Variants in CNTNAP4 observed in about 807,000 individuals in gnomAD.
CNTNAP4 encodes the protein contactin associated protein family member 4.
CNTNAP4 carries 98 observed loss-of-function variants against 148.4 expected under a neutral mutation model. The observed-to-expected ratio is 0.66, with a 90% confidence interval of 0.56 to 0.78. The LOEUF (loss-of-function observed/expected upper bound fraction) is 0.78. Among genes scored for constraint, CNTNAP4 ranks in the 30% least tolerant of loss-of-function variants. The pLI, the probability that CNTNAP4 is intolerant of heterozygous loss-of-function variation, is 0.00. For missense variants in CNTNAP4, 1,935 were observed against 1,565.6 expected, an observed-to-expected ratio of 1.24 and a Z score of -3.98; for synonymous variants, 730 against 565.1, an observed-to-expected ratio of 1.29 and a Z score of -4.14.
At position 76,301,545 on chromosome 16, in the gene CNTNAP4, G is replaced by A. The variant is rs561103546; in HGVS notation, c.86-14868G>A. On this transcript the variant is annotated intron_variant, in intron 1 of 23. Coordinates refer to ENST00000611870, the MANE Select transcript of CNTNAP4 (RefSeq NM_033401.5). ...GTATGTGAACTCATGTATACTGAAA[G>A]ACCTGGAAGTACATGAGTTACCAGT... 1.6e-4 allele frequency among the ~76,000 whole-genome samples: 25 copies of A among 152,288 alleles called. No individual in the cohort carries two copies. The South Asian group carries it at 5.0e-3, about 30-fold the overall frequency.
intron 2 of CNTNAP4, among the ~76,000 whole-genome samples, chr16:76,326,061 G>T (rs1305287268): frequency 6.6e-6 from 1 of 152,126 alleles, no homozygotes; most frequent in African/African-American, 2.4e-5. Flanking sequence ...AGATATGACT[G>T]TAAACTTACA....
At chr16:76,445,730 AAC>A (rs1358272093) in intron 4 of CNTNAP4, among the ~76,000 whole-genome samples, 4 of 152,324 alleles carry the variant, frequency 2.6e-5, no homozygotes, top group African/African-American at 9.6e-5. Flanking sequence ...ACACAAGCTA[AAC>A]CTTTAATGGG....
At chr16:76,301,179 G>C (rs1025750276) in intron 1 of CNTNAP4, among the ~76,000 whole-genome samples, 5 of 152,030 alleles carry the variant, frequency 3.3e-5, no homozygotes, top group African/African-American at 1.2e-4. Flanking sequence ...GAATGAGACT[G>C]TTGATCTTTG....
At chr16:76,286,409 A>G (rs1958887068) in intron 1 of CNTNAP4, among the ~76,000 whole-genome samples, 1 of 152,188 alleles carries the variant, frequency 6.6e-6, no homozygotes, top group Admixed American at 6.6e-5. Context: ...AAAATTAGCA[A>G]GAGGTCTTCT....
At chr16:76,435,061 C>T (rs915755057) in intron 4 of CNTNAP4, among the ~76,000 whole-genome samples, 10 of 151,998 alleles carry the variant, frequency 6.6e-5, no homozygotes, top group Non-Finnish European at 7.4e-5. Context: ...AATGTCTCCT[C>T]GGGGAAGGAT....
chr16:76,440,734 T>G (rs553086085), intron 4 of CNTNAP4, among the ~76,000 whole-genome samples: 2 of 152,278 alleles, frequency 1.3e-5, no homozygotes, highest in South Asian at 4.1e-4. Flanking sequence ...AAGTAGAATG[T>G]TGAATGTTTA....
chr16:76,333,606 G>C (rs1019102537), intron 2 of CNTNAP4, among the ~76,000 whole-genome samples: 1 of 151,990 alleles, frequency 6.6e-6, no homozygotes, highest in African/African-American at 2.4e-5. Context: ...CTCAGGGGCA[G>C]TTTCTATTAA....
chr16:76,516,601 G>T (rs2083263180), intron 15 of CNTNAP4, among the ~76,000 whole-genome samples: 1 of 152,162 alleles, frequency 6.6e-6, no homozygotes, highest in African/African-American at 2.4e-5. Flanking sequence ...CAAAATATTT[G>T]TACACAGATG....
chr16:76,316,245 T>A, intron 1 of CNTNAP4, 168 bp from the exon 2 acceptor site: 1 of 658,748 alleles, frequency 1.5e-6, no homozygotes, highest in East Asian at 2.7e-5. Context: ...TCTTTTCTCA[T>A]TGAACTTACT....
chr16:76,441,714 ATTAT>A (rs1199634948), intron 4 of CNTNAP4, among the ~76,000 whole-genome samples: 2 of 152,200 alleles, frequency 1.3e-5, no homozygotes, highest in Non-Finnish European at 2.9e-5. Flanking sequence ...GCAATTCATT[ATTAT>A]TTAAAGAGTC....
chr16:76,432,458 T>C (rs1200762209), intron 4 of CNTNAP4: 1 of 152,176 alleles, frequency 6.6e-6, no homozygotes, highest in Non-Finnish European at 1.5e-5. Context: ...AGAGAAACTA[T>C]AAATTTCCAA....
Position 76,558,685 on chromosome 16 carries a change from T to A in CNTNAP4, c.*2T>A. The A allele has an allele frequency of 6.3e-7, 1 of 1,595,596 alleles. No homozygotes were observed. The highest frequency in any genetic ancestry group is 1.3e-5 in the African/African-American group (1 of 74,192). ...AATCAGAAAGAGTACTTCTTCTGAT[T>A]GGCAGCTATGATTTAACATAAAATT... is the stretch of plus-strand genomic sequence containing the variant. On this transcript the variant is annotated 3_prime_UTR_variant, in exon 24 of 24. Transcript: ENST00000611870.
chr16:76,296,459 A>C (rs1446328821), intron 1 of CNTNAP4, among the ~76,000 whole-genome samples: 1 of 152,230 alleles, frequency 6.6e-6, no homozygotes, highest in Admixed American at 6.5e-5. Flanking sequence ...GGATGTGTAA[A>C]AAGAGAATTT....
At chr16:76,448,464 G>A (rs2080332268) in intron 5 of CNTNAP4, among the ~76,000 whole-genome samples, 1 of 152,100 alleles carries the variant, frequency 6.6e-6, no homozygotes, top group Non-Finnish European at 1.5e-5. Context: ...ATAAAGGAAG[G>A]GATGGGTCAT....
chr16:76,293,024 C>T lies in CNTNAP4; in HGVS notation c.85+15277C>T, dbSNP rs186196897. Among the ~76,000 whole-genome samples, 11 of 152,286 alleles carry T rather than the reference C, an allele frequency of 7.2e-5. No homozygotes were observed. In the East Asian group the frequency reaches 1.5e-3, roughly 21 times the overall value. On this transcript the variant is annotated intron_variant, in intron 1 of 23. Coordinates refer to ENST00000611870, the MANE Select transcript of CNTNAP4 (RefSeq NM_033401.5). The stretch of plus-strand genomic sequence containing the variant: ...AAAAATATCAGAGACTTTCAGGCCA[C>T]GTTTTACCTCACTCTTTCTTAGACT...
intron 3 of CNTNAP4, among the ~76,000 whole-genome samples, chr16:76,404,883 A>G (rs7185955): frequency 0.041 from 6,300 of 152,208 alleles, 464 homozygotes; most frequent in African/African-American, 0.15. Flanking sequence ...TAATATTTTC[A>G]TAACATAAAA....
At chr16:76,319,389 AAGAG>A (rs1962167306) in intron 2 of CNTNAP4, among the ~76,000 whole-genome samples, 1 of 152,058 alleles carries the variant, frequency 6.6e-6, no homozygotes, top group Non-Finnish European at 1.5e-5. Flanking sequence ...TCTGTCTCAA[AAGAG>A]AGAGAGGGAG....
intron 4 of CNTNAP4, among the ~76,000 whole-genome samples, chr16:76,442,952 T>A (rs1568186690): frequency 5.9e-5 from 9 of 152,050 alleles, no homozygotes. Flanking sequence ...ACATGAAATA[T>A]ATATTATTAG....
intron 8 of CNTNAP4, among the ~76,000 whole-genome samples, chr16:76,459,731 T>G (rs2080868099): frequency 1.3e-5 from 2 of 152,238 alleles, no homozygotes; most frequent in African/African-American, 2.4e-5. Flanking sequence ...TTTTGTTTCT[T>G]AATTTGATCT....
Sources: gnomAD v4.1 joint callset for allele counts (sites outside exome capture counted in the v4.1 genomes callset) on GRCh38, gnomAD v4.1.1 for gene constraint, MANE v1.5 for transcripts, NCBI Gene and HGNC (gene_info 2026-07-23, HGNC 2026-07-21) for gene names.